ANO6: variants seen among roughly 807,000 people sequenced by gnomAD.
ANO6 encodes anoctamin-6.
ANO6 carries 106 observed loss-of-function variants against 117.5 expected under a neutral mutation model. The observed-to-expected ratio is 0.90, with a 90% CI of 0.77 to 1.06. The LOEUF (loss-of-function observed/expected upper bound fraction) is 1.06, where lower values mean the gene tolerates loss of function less well. ANO6 is among the 50% of genes least tolerant of loss of function. The pLI, the probability that ANO6 is intolerant of heterozygous loss-of-function variation, is 0.00. For missense variants in ANO6, 955 were observed against 1,121.1 expected (o/e 0.85, Z 2.12); for synonymous variants, 367 against 385.1 (o/e 0.95, Z 0.55).
chr12:45,416,458 T>C (rs1436620025), intron 16 of ANO6, among the ~76,000 whole-genome samples: 1 of 152,240 alleles, frequency 6.6e-6, no homozygotes, highest in Non-Finnish European at 1.5e-5. Flanking sequence ...TGTCTAAATA[T>C]ATTGTTCCTA....
intron 3 of ANO6, among the ~76,000 whole-genome samples, chr12:45,344,681 C>T (rs185373685): frequency 2.0e-5 from 3 of 152,192 alleles, no homozygotes; most frequent in Admixed American, 6.5e-5. Context: ...GAAACCATGT[C>T]GGGCATATAC....
intron 8 of ANO6, among the ~76,000 whole-genome samples, chr12:45,359,005 A>C (rs1377962326): frequency 1.3e-5 from 2 of 152,154 alleles, no homozygotes; most frequent in Non-Finnish European, 2.9e-5. Flanking sequence ...GCTGGTCTCG[A>C]ACTCCTGACC....
At chr12:45,245,487 C>T (rs1947811336) in intron 1 of ANO6, among the ~76,000 whole-genome samples, 2 of 150,178 alleles carry the variant, frequency 1.3e-5, no homozygotes, top group African/African-American at 2.4e-5. Context: ...TAGTAGTGTC[C>T]ATGGCTCTTT....
At chr12:45,357,169 G>A in intron 7 of ANO6, 121 bp from the exon 8 acceptor site, 1 of 1,117,110 alleles carries the variant, frequency 9.0e-7, no homozygotes, top group Non-Finnish European at 1.3e-6. Context: ...TGTTTTAAGG[G>A]TGAATTGAGT....
At chr12:45,257,504 C>G (rs769166049) in intron 1 of ANO6, among the ~76,000 whole-genome samples, 3 of 152,208 alleles carry the variant, frequency 2.0e-5, no homozygotes, top group Non-Finnish European at 4.4e-5. Flanking sequence ...TCTGTGTGCT[C>G]TCTGTGAATG....
At chr12:45,375,898 T>G (rs1338472247) in intron 9 of ANO6, among the ~76,000 whole-genome samples, 3 of 148,352 alleles carry the variant, frequency 2.0e-5, no homozygotes, top group Non-Finnish European at 3.0e-5. Context: ...CAAAAGAAAC[T>G]ACCATCAGAG....
intron 17 of ANO6, among the ~76,000 whole-genome samples, chr12:45,419,474 A>G (rs574786888): frequency 5.7e-4 from 87 of 152,336 alleles, no homozygotes; most frequent in African/African-American, 2.0e-3. Flanking sequence ...AGGCAGAAAC[A>G]CACTCATATG....
At chr12:45,297,610 A>G (rs757316343) in intron 1 of ANO6, among the ~76,000 whole-genome samples, 1 of 152,202 alleles carries the variant, frequency 6.6e-6, no homozygotes, top group Non-Finnish European at 1.5e-5. Context: ...CTGGGCCTCT[A>G]GAAAATTCTT....
chr12:45,259,885 T>A (rs1403540370), intron 1 of ANO6, among the ~76,000 whole-genome samples: 1 of 152,250 alleles, frequency 6.6e-6, no homozygotes, highest in Non-Finnish European at 1.5e-5. Context: ...GTTAAAAGGC[T>A]GCAACAGCAC....
chr12:45,405,738 C>G (rs1013381695), intron 15 of ANO6, among the ~76,000 whole-genome samples: 1 of 152,102 alleles, frequency 6.6e-6, no homozygotes, highest in Non-Finnish European at 1.5e-5. Context: ...GGAGAAACCC[C>G]ATCTCTACTG....
At chr12:45,372,650 C>T (rs901293319) in intron 9 of ANO6, among the ~76,000 whole-genome samples, 8 of 151,282 alleles carry the variant, frequency 5.3e-5, no homozygotes, top group African/African-American at 9.7e-5. Flanking sequence ...CCTTTACAGA[C>T]AAGCAAATGC....
At chr12:45,439,575 T>A (rs1485610298) in intron 19 of ANO6, 3 of 1,116,464 alleles carry the variant, frequency 2.7e-6, no homozygotes, top group Non-Finnish European at 3.5e-6. Context: ...CAAAGGTAAA[T>A]ACTAACACTC....
At chr12:45,222,625 G>A (rs1381917837) in intron 1 of ANO6, among the ~76,000 whole-genome samples, 1 of 152,166 alleles carries the variant, frequency 6.6e-6, no homozygotes, top group Non-Finnish European at 1.5e-5. Context: ...GCAGGCCTCA[G>A]AAAACAATCT....
chr12:45,291,803 G>C (rs889683737), intron 1 of ANO6, among the ~76,000 whole-genome samples: 2 of 151,710 alleles, frequency 1.3e-5, no homozygotes. Context: ...AATCAAATAA[G>C]AGCACACAAA....
chr12:45,226,238 G>A (rs1947480883), intron 1 of ANO6, among the ~76,000 whole-genome samples: 1 of 152,158 alleles, frequency 6.6e-6, no homozygotes, highest in African/African-American at 2.4e-5. Context: ...TTATTGCCCT[G>A]GCTACATGTT....
At chr12:45,291,275 G>A (rs12228399) in intron 1 of ANO6, among the ~76,000 whole-genome samples, 8,136 of 151,030 alleles carry the variant, frequency 0.054, 526 homozygotes, top group East Asian at 0.35. Context: ...GAATCCAGGA[G>A]GCGGAGGTTG....
intron 8 of ANO6, among the ~76,000 whole-genome samples, chr12:45,363,253 A>C (rs1316509934): frequency 6.6e-6 from 1 of 152,202 alleles, no homozygotes; most frequent in African/African-American, 2.4e-5. Context: ...TTTCAGATTC[A>C]GATTTTTGAA....
chr12:45,400,203 A>T (rs904016211), intron 12 of ANO6, among the ~76,000 whole-genome samples: 4 of 152,244 alleles, frequency 2.6e-5, no homozygotes, highest in African/African-American at 9.6e-5. Flanking sequence ...CTGTTATGAG[A>T]TTAAACAAAT....
chr12:45,327,466 T>C (rs546864007), intron 2 of ANO6, among the ~76,000 whole-genome samples: 3 of 152,312 alleles, frequency 2.0e-5, no homozygotes, highest in South Asian at 4.1e-4. Flanking sequence ...CAGATACATA[T>C]GTACAAAGAT....
Sources: gnomAD v4.1 joint callset for allele counts (sites outside exome capture counted in the v4.1 genomes callset) on GRCh38, gnomAD v4.1.1 for gene constraint, MANE v1.5 for transcripts, NCBI Gene and HGNC (gene_info 2026-07-23, HGNC 2026-07-21) for gene names.